The following TACC1 variants were observed in gnomAD, a reference collection of about 807,000 sequenced individuals.
TACC1 encodes transforming acidic coiled-coil-containing protein 1.
A neutral mutation model predicts 84.4 loss-of-function variants in TACC1; 48 were observed. That is an observed-to-expected ratio of 0.57 (90% CI 0.45 to 0.72). The LOEUF (loss-of-function observed/expected upper bound fraction) is 0.72, where lower values mean the gene tolerates loss of function less well. Among genes scored for constraint, TACC1 ranks in the 30% least tolerant of loss-of-function variants. TACC1 has a pLI of 0.00. For missense variants in TACC1, 920 were observed against 973.0 expected (o/e 0.95, Z 0.72); for synonymous variants, 372 against 376.3 (o/e 0.99, Z 0.13).
chr8:38,836,125 A>G (rs1167726034), intron 6 of TACC1, 37 bp from the exon 7 acceptor site: 3 of 1,609,286 alleles, frequency 1.9e-6, no homozygotes. Flanking sequence ...TAAGAAGCTG[A>G]AAGCTGACAG....
At chr8:38,757,407 C>T (rs1440074230) in intron 3 of TACC1, 3 of 1,247,014 alleles carry the variant, frequency 2.4e-6, no homozygotes, top group Middle Eastern at 2.6e-4. Flanking sequence ...CCACGGAGAC[C>T]GCGTGAGTCC....
intron 3 of TACC1, among the ~76,000 whole-genome samples, chr8:38,822,592 T>C (rs1588003977): frequency 6.6e-6 from 1 of 152,368 alleles, no homozygotes; most frequent in Admixed American, 6.5e-5. Flanking sequence ...TATCAACTTT[T>C]AAATTTTTTA....
Position 38,823,528 on chromosome 8 carries a change from T to C in TACC1, c.1392-1780T>C, listed in dbSNP as rs1827335509. On this transcript the variant is annotated intron_variant, in intron 3 of 12. Coordinates refer to ENST00000317827, the MANE Select transcript of TACC1 (RefSeq NM_006283.3). Reference sequence around the variant, plus strand: ...GGGCCAAAGAAAGGGTAATTTATTCTACACTTTATATTCGGCAGCAAGAAG... The same window carrying C: ...GGGCCAAAGAAAGGGTAATTTATTCCACACTTTATATTCGGCAGCAAGAAG... 4.6e-5 allele frequency among the ~76,000 whole-genome samples: 7 copies of C among 152,344 alleles called. No individual in the cohort carries two copies. In the South Asian group the frequency reaches 1.4e-3, roughly 32 times the overall value.
chr8:38,747,026 T>A (rs899236326), intron 3 of TACC1, among the ~76,000 whole-genome samples: 2 of 152,320 alleles, frequency 1.3e-5, no homozygotes, highest in East Asian at 3.8e-4. Flanking sequence ...GATTAATAAT[T>A]GTTTTTAAAT....
intron 12 of TACC1, 99 bp from the exon 13 acceptor site, chr8:38,847,856 T>G: frequency 1.1e-6 from 1 of 944,358 alleles, no homozygotes; most frequent in Non-Finnish European, 1.6e-6. Flanking sequence ...AATTAGGATG[T>G]CTAGGGTAGG....
At chr8:38,836,915 A>G (rs1166064064) in intron 7 of TACC1, among the ~76,000 whole-genome samples, 1 of 152,010 alleles carries the variant, frequency 6.6e-6, no homozygotes, top group Admixed American at 6.6e-5. Context: ...AGGTGTGGCA[A>G]TTTTATTTTT....
At chr8:38,834,436 CA>C (rs1252263483) in intron 6 of TACC1, among the ~76,000 whole-genome samples, 1 of 152,114 alleles carries the variant, frequency 6.6e-6, no homozygotes, top group Non-Finnish European at 1.5e-5. Flanking sequence ...GAAGAGATTA[CA>C]GAGGGAGGGG....
At chr8:38,754,632 C>A (rs1809663143) in intron 3 of TACC1, among the ~76,000 whole-genome samples, 1 of 152,198 alleles carries the variant, frequency 6.6e-6, no homozygotes, top group Non-Finnish European at 1.5e-5. Flanking sequence ...CTGCACAGAG[C>A]AAGACCCTGT....
chr8:38,841,003 C>T (rs971488940), intron 9 of TACC1, among the ~76,000 whole-genome samples: 3 of 152,114 alleles, frequency 2.0e-5, no homozygotes, highest in Non-Finnish European at 4.4e-5. Context: ...GAGCCGAGAT[C>T]GTGCCACTGC....
At chr8:38,753,905 TTTTCTTTCTTTC>T (rs9298641) in intron 3 of TACC1, among the ~76,000 whole-genome samples, 3 of 124,514 alleles carry the variant, frequency 2.4e-5, no homozygotes, top group East Asian at 2.3e-4. Context: ...CTCTTTTTCT[TTTTCTTTCTTTC>T]TTTCTTTCTT....
chr8:38,835,307 C>T (rs186716294), intron 6 of TACC1, among the ~76,000 whole-genome samples: 3 of 151,398 alleles, frequency 2.0e-5, no homozygotes, highest in Non-Finnish European at 4.4e-5. Context: ...CCAGCAAAAA[C>T]GTCTTTTAGG....
chr8:38,820,072 T>C lies in TACC1; in HGVS notation c.828T>C (p.Ser276=), dbSNP rs1413648124. 3 of 1,614,116 alleles carry C rather than the reference T, an allele frequency of 1.9e-6. No individual in the cohort carries two copies. ...FSPEELDENT[S]PLLGDARFQK... ...CTGAAGAGTTGGATGAGAACACAAG[T>C]CCTTTGCTAGGAGATGCCAGGTTCC... The change falls in exon 3 of 13, where the codon AGT becomes AGC. Residue 276 remains serine, a synonymous_variant. Coordinates refer to ENST00000317827, the MANE Select transcript of TACC1 (RefSeq NM_006283.3).
upstream of TACC1, among the ~76,000 whole-genome samples, chr8:38,783,094 CTATCTATCTATCTATATA>C (rs1328691043): frequency 4.3e-5 from 5 of 116,828 alleles, no homozygotes; most frequent in African/African-American, 8.6e-5. Flanking sequence ...ATCTATCTAT[CTATCTATCTATCTATATA>C]TATATATATA....
chr8:38,742,536 G>A lies in TACC1; in HGVS notation c.-574+85G>A, dbSNP rs1057359592. The A allele has an allele frequency of 1.0e-5, 10 of 970,618 alleles. No homozygotes were observed. In the Middle Eastern group the frequency reaches 1.3e-3, roughly 122 times the overall value. 60.1% of individuals were successfully genotyped at this position (970,618 alleles called of 1,614,324 possible). On this transcript the variant is annotated intron_variant, in intron 2 of 14. Coordinates refer to the TACC1 transcript ENST00000518415. ...TTTCCTAGTGAAAAATAACAGATAT[G>A]TAATCTTTGTATTTGGATTAAGTGT... is the stretch of plus-strand genomic sequence containing the variant.
chr8:38,835,280 G>A (rs965298334), intron 6 of TACC1, among the ~76,000 whole-genome samples: 16 of 151,912 alleles, frequency 1.1e-4, no homozygotes, highest in Non-Finnish European at 1.6e-4. Flanking sequence ...GTTTACTTCC[G>A]TAGGTAGGAG....
chr8:38,751,169 G>C (rs895820655), intron 3 of TACC1, among the ~76,000 whole-genome samples: 1 of 151,464 alleles, frequency 6.6e-6, no homozygotes, highest in Non-Finnish European at 1.5e-5. Context: ...AATTTGAAGG[G>C]TAATTCTCCT....
intron 2 of TACC1, among the ~76,000 whole-genome samples, chr8:38,743,299 AAT>A (rs1412653725): frequency 7.9e-5 from 12 of 151,748 alleles, no homozygotes; most frequent in Admixed American, 2.0e-4. Flanking sequence ...TTGTTGAATG[AAT>A]GAATGAATGA....
intron 3 of TACC1, among the ~76,000 whole-genome samples, chr8:38,821,223 A>G (rs894034733): frequency 6.6e-6 from 1 of 152,016 alleles, no homozygotes; most frequent in Non-Finnish European, 1.5e-5. Context: ...AAAGAATGGC[A>G]TGAGATAGAC....
Position 38,787,426 on chromosome 8 carries a change from C to T in TACC1, c.-157C>T, listed in dbSNP as rs1330923444. 2.2e-6 allele frequency: 3 copies of T among 1,353,748 alleles called. No individual in the cohort carries two copies. The highest frequency in any genetic ancestry group is 3.9e-5 in the Admixed American group (1 of 25,400). The allele number at this position is 1,353,748 out of a possible 1,614,324, so 83.9% of individuals were successfully genotyped here. A position where few individuals can be genotyped will look rare whatever the true frequency, so the allele number is the denominator to read the frequency against. On this transcript the variant is annotated 5_prime_UTR_variant, in exon 1 of 13. Coordinates refer to ENST00000317827, the MANE Select transcript of TACC1 (RefSeq NM_006283.3). ...CGGCTGCCGGCGGGAGGAAGCGCTC[C>T]ACCAGGGCCCCCGACGGCACTCGTT...
Sources: allele counts gnomAD v4.1 joint callset (sites outside exome capture counted in the v4.1 genomes callset), GRCh38; gene constraint gnomAD v4.1.1; transcripts MANE v1.5; gene names NCBI Gene and HGNC (gene_info 2026-07-23, HGNC 2026-07-21).